Variants in DNM1L observed in about 807,000 individuals in gnomAD.
DNM1L encodes dynamin 1L.
In DNM1L, 33 loss-of-function variants were observed where a neutral mutation model predicts 92.8. The observed-to-expected ratio is 0.36, with a 90% CI of 0.27 to 0.48. DNM1L has a LOEUF of 0.48. DNM1L is among the 20% of genes least tolerant of loss of function. The pLI is 0.99. For synonymous variants in DNM1L, 284 were observed against 305.0 expected (o/e 0.93, Z 0.72); for missense variants, 485 against 888.8 (o/e 0.55, Z 5.78).
chr12:32,686,567 C>T (rs1952022555), intron 1 of DNM1L, among the ~76,000 whole-genome samples: 1 of 152,228 alleles, frequency 6.6e-6, no homozygotes, highest in Non-Finnish European at 1.5e-5. Flanking sequence ...TGGGTTGTTT[C>T]TGCCTTTTAG....
At chr12:32,738,756 G>A (rs900369860) in intron 16 of DNM1L, among the ~76,000 whole-genome samples, 3 of 152,148 alleles carry the variant, frequency 2.0e-5, no homozygotes, top group African/African-American at 7.2e-5. Flanking sequence ...GTGAGAGTTT[G>A]AGACTGTTTT....
intron 16 of DNM1L, 100 bp downstream of exon 16, chr12:32,738,396 A>ATC (rs1955051742): frequency 7.8e-7 from 1 of 1,288,280 alleles, no homozygotes; most frequent in Non-Finnish European, 1.1e-6. Context: ...AGTGGTATCT[A>ATC]TCTCTTGTCT....
chr12:32,722,337 T>A (rs984930327), intron 8 of DNM1L, 90 bp from the exon 9 acceptor site: 44 of 1,035,596 alleles, frequency 4.2e-5, no homozygotes, highest in Non-Finnish European at 6.2e-5. Context: ...AATTATTTGA[T>A]AGGTTTTCCC....
At chr12:32,685,454 A>C (rs1044483435) in intron 1 of DNM1L, among the ~76,000 whole-genome samples, 17 of 138,744 alleles carry the variant, frequency 1.2e-4, no homozygotes, top group African/African-American at 4.7e-4. Flanking sequence ...TCTGCCTCCC[A>C]GGCTCAAGGC....
At chr12:32,735,855 C>A (rs1009534908) in intron 13 of DNM1L, among the ~76,000 whole-genome samples, 5 of 151,738 alleles carry the variant, frequency 3.3e-5, no homozygotes, top group Admixed American at 3.3e-4. Context: ...CCAGCCTGGG[C>A]GACAGAGCGA....
At chr12:32,682,321 A>T (rs572647138) in intron 1 of DNM1L, among the ~76,000 whole-genome samples, 1 of 152,102 alleles carries the variant, frequency 6.6e-6, no homozygotes, top group Non-Finnish European at 1.5e-5. Flanking sequence ...TAGTAGAGAC[A>T]GAGTTTCTCC....
chr12:32,717,427 C>CTA (rs1491260697), intron 6 of DNM1L, among the ~76,000 whole-genome samples: 1 of 38,330 alleles, frequency 2.6e-5, no homozygotes, highest in East Asian at 3.6e-4. Context: ...TAAATATATA[C>CTA]TATATATATT....
intron 6 of DNM1L, among the ~76,000 whole-genome samples, chr12:32,717,348 T>TATATAATATTTATATATATTTTA (rs1555120679): frequency 3.1e-5 from 2 of 64,874 alleles, no homozygotes; most frequent in South Asian, 3.1e-4. Flanking sequence ...ATACTATATA[T>TATATAATATTTATATATATTTTA]TATATATAGT....
intron 18 of DNM1L, among the ~76,000 whole-genome samples, chr12:32,742,168 G>A (rs1208147650): frequency 6.6e-6 from 1 of 151,862 alleles, no homozygotes; most frequent in Non-Finnish European, 1.5e-5. Flanking sequence ...GCAGTGGCGC[G>A]TTCTTGGCTC....
intron 1 of DNM1L, among the ~76,000 whole-genome samples, chr12:32,694,819 T>C (rs1205981663): frequency 1.3e-5 from 2 of 152,180 alleles, no homozygotes; most frequent in African/African-American, 4.8e-5. Flanking sequence ...GAACTTCTGA[T>C]GGAGCGGAGA....
At chr12:32,682,365 C>T (rs977019223) in intron 1 of DNM1L, among the ~76,000 whole-genome samples, 2 of 152,188 alleles carry the variant, frequency 1.3e-5, no homozygotes, top group Admixed American at 1.3e-4. Flanking sequence ...CTCCCGACCT[C>T]AGGTGATCCA....
chr12:32,736,137 G>A (rs568312809), intron 13 of DNM1L, among the ~76,000 whole-genome samples: 23 of 145,106 alleles, frequency 1.6e-4, no homozygotes, highest in African/African-American at 5.9e-4. Flanking sequence ...AGTGGCATGA[G>A]CTCTGCTCAC....
In DNM1L at chr12:32,722,186, C is replaced by T. The variant is rs1472857515; in HGVS notation, c.873-241C>T. Among the ~76,000 whole-genome samples, 5 of 152,182 alleles carry T rather than the reference C, an allele frequency of 3.3e-5. No homozygotes were observed. The East Asian group carries it at 9.6e-4, about 29-fold the overall frequency. ...CTGAAGCTATCTAGGGACCCCCAGCCACCAGTCATCTCATTAGCATGCAGA... is the reference window on the plus strand; with the variant it reads ...CTGAAGCTATCTAGGGACCCCCAGCTACCAGTCATCTCATTAGCATGCAGA... On this transcript the variant is annotated intron_variant, in intron 8 of 19. Transcript: ENST00000549701.
At chr12:32,680,661 A>G (rs1321375343) in intron 1 of DNM1L, among the ~76,000 whole-genome samples, 2 of 152,200 alleles carry the variant, frequency 1.3e-5, no homozygotes, top group Non-Finnish European at 2.9e-5. Context: ...CAATATTTGT[A>G]ATGTTTGGAG....
intron 5 of DNM1L, among the ~76,000 whole-genome samples, chr12:32,712,203 C>G (rs1464384284): frequency 6.6e-6 from 1 of 152,160 alleles, no homozygotes; most frequent in African/African-American, 2.4e-5. Flanking sequence ...TCTCCAGTTC[C>G]TTGTCATTCC....
At chr12:32,690,355 A>G (rs1268244704) in intron 1 of DNM1L, among the ~76,000 whole-genome samples, 2 of 152,208 alleles carry the variant, frequency 1.3e-5, no homozygotes, top group Non-Finnish European at 2.9e-5. Context: ...AAAATCAGAA[A>G]ATCTGATAAC....
intron 6 of DNM1L, 147 bp from the exon 7 acceptor site, chr12:32,718,496 G>A: frequency 1.0e-6 from 1 of 998,108 alleles, no homozygotes. Flanking sequence ...AAAAAGCACT[G>A]GTAAGTAAGG....
rs1385732949 is a variant in DNM1L at position 32,726,430 on chromosome 12, C to G, written c.1079+3797C>G. 7 of 1,471,258 alleles carry G rather than the reference C, an allele frequency of 4.8e-6. No homozygotes were observed. In the East Asian group the frequency reaches 6.8e-5, roughly 14 times the overall value. 91.1% of individuals were successfully genotyped at this position (1,471,258 alleles called of 1,614,324 possible). On this transcript the variant is annotated intron_variant, in intron 9 of 19. Coordinates refer to ENST00000549701, the MANE Select transcript of DNM1L (RefSeq NM_012062.5). ...TTTTGATCCTTCTTCGGGTCATAGT[C>G]TGGATCATTTTCCTCATCTCCTTTG...
At chr12:32,685,030 C>T (rs979740876) in intron 1 of DNM1L, among the ~76,000 whole-genome samples, 5 of 151,510 alleles carry the variant, frequency 3.3e-5, no homozygotes, top group Non-Finnish European at 5.9e-5. Context: ...AGCTCCGCCT[C>T]CCGGGTTTAC....
Sources: gnomAD v4.1 joint callset for allele counts (sites outside exome capture counted in the v4.1 genomes callset) on GRCh38, gnomAD v4.1.1 for gene constraint, MANE v1.5 for transcripts, NCBI Gene and HGNC (gene_info 2026-07-23, HGNC 2026-07-21) for gene names.